The following CDK14 variants were observed in gnomAD, a reference collection of about 807,000 sequenced individuals.
CDK14 encodes the protein cyclin-dependent kinase 14.
A neutral mutation model predicts 60.7 loss-of-function variants in CDK14; 34 were observed. That is an observed-to-expected ratio of 0.56 (90% CI 0.43 to 0.75). The LOEUF is 0.75. Ranked by LOEUF, CDK14 falls within the 30% of genes least tolerant of loss-of-function variation. The pLI is 0.00. For missense variants in CDK14, 482 were observed against 564.1 expected, an observed-to-expected ratio of 0.85 and a Z score of 1.47; for synonymous variants, 197 against 203.7, an observed-to-expected ratio of 0.97 and a Z score of 0.28.
At chr7:91,121,504 T>C (rs1455499757) in intron 14 of CDK14, among the ~76,000 whole-genome samples, 1 of 152,198 alleles carries the variant, frequency 6.6e-6, no homozygotes, top group East Asian at 1.9e-4. Context: ...CCAAATTATT[T>C]CTTTCCTTGC....
At chr7:90,709,897 T>C in intron 2 of CDK14, 1 of 1,262,856 alleles carries the variant, frequency 7.9e-7, no homozygotes. Context: ...GCAAACACAT[T>C]GCTAGAGACA....
At chr7:90,658,930 G>A (rs1392653499) in intron 2 of CDK14, among the ~76,000 whole-genome samples, 1 of 152,114 alleles carries the variant, frequency 6.6e-6, no homozygotes, top group Non-Finnish European at 1.5e-5. Context: ...GGTAGTTTCT[G>A]TCTAGTAGTG....
intron 2 of CDK14, among the ~76,000 whole-genome samples, chr7:90,717,933 C>T (rs979810223): frequency 1.3e-5 from 2 of 151,648 alleles, no homozygotes; most frequent in African/African-American, 4.8e-5. Flanking sequence ...AGACGGAGCT[C>T]CCCCCACCCC....
chr7:90,625,043 G>T (rs570524266), intron 2 of CDK14, among the ~76,000 whole-genome samples: 1 of 152,254 alleles, frequency 6.6e-6, no homozygotes, highest in East Asian at 1.9e-4. Flanking sequence ...ACGGCGAATG[G>T]CTCATAGTAA....
intron 8 of CDK14, among the ~76,000 whole-genome samples, chr7:90,923,254 CG>C (rs1562829905): frequency 6.6e-6 from 1 of 151,752 alleles, no homozygotes; most frequent in East Asian, 1.9e-4. Context: ...GGACTACAGG[CG>C]CCCACCACCA....
At chr7:90,649,285 T>G (rs1175278762) in intron 2 of CDK14, among the ~76,000 whole-genome samples, 2 of 60,780 alleles carry the variant, frequency 3.3e-5, no homozygotes, top group African/African-American at 1.7e-4. Context: ...TCTTTCTTTC[T>G]TTCTTTCTTT....
chr7:91,026,158 A>G (rs921127089), intron 10 of CDK14, among the ~76,000 whole-genome samples: 1 of 152,150 alleles, frequency 6.6e-6, no homozygotes, highest in African/African-American at 2.4e-5. Flanking sequence ...GAATAGAGGC[A>G]TAGTGGGGAG....
rs527830067 is a variant in CDK14, at chr7:90,767,389, G to T, written c.464+19614G>T. Among the ~76,000 whole-genome samples, 3 of 152,240 alleles carry T rather than the reference G, an allele frequency of 2.0e-5. No individual in the cohort carries two copies. In the East Asian group the frequency reaches 5.8e-4, roughly 29 times the overall value. The stretch of plus-strand genomic sequence containing the variant: ...CTTATTTTCCCTCTGTATCCATGCT[G>T]TTTTTTCTCTCTAGTCATTTATTAT... On this transcript the variant is annotated intron_variant, in intron 4 of 14. Transcript: ENST00000380050.
chr7:90,780,010 G>C (rs987187499), intron 4 of CDK14, among the ~76,000 whole-genome samples: 2 of 152,068 alleles, frequency 1.3e-5, no homozygotes, highest in Admixed American at 6.6e-5. Context: ...TTCTCCTATA[G>C]AGCTTTAGAA....
chr7:90,890,636 G>A (rs1485732511), intron 6 of CDK14, among the ~76,000 whole-genome samples: 1 of 152,186 alleles, frequency 6.6e-6, no homozygotes, highest in Non-Finnish European at 1.5e-5. Context: ...AGGGAAAAGT[G>A]CAATTTCAAA....
At chr7:91,034,945 TACACACAC>T (rs35003949) in intron 10 of CDK14, among the ~76,000 whole-genome samples, 18 of 146,092 alleles carry the variant, frequency 1.2e-4, no homozygotes, top group African/African-American at 2.5e-4. Flanking sequence ...CACATACACA[TACACACAC>T]ACACACACAC....
chr7:91,114,076 G>A (rs961481997), intron 13 of CDK14, among the ~76,000 whole-genome samples: 10 of 152,118 alleles, frequency 6.6e-5, no homozygotes, highest in Non-Finnish European at 1.2e-4. Flanking sequence ...CAAAAATGCT[G>A]TAAATAGGCT....
rs796565126 is a variant in CDK14, at chr7:91,170,372, C to T, written c.*29-36793C>T. ...TTTAACTATTTTATTGTTTCAGTAT[C>T]ATGAATGACTCCACCAAGTGTGTCC... On this transcript the variant is annotated intron_variant, in intron 14 of 14. Coordinates refer to ENST00000380050, the MANE Select transcript of CDK14 (RefSeq NM_001287135.2). Among the ~76,000 whole-genome samples the T allele has an allele frequency of 2.4e-4, 37 of 152,264 alleles. 2 individuals are homozygous for T. Among genetic ancestry groups the T allele is most frequent in the African/African-American group, 8.2e-4 (34 of 41,544 alleles).
intron 4 of CDK14, among the ~76,000 whole-genome samples, chr7:90,756,614 T>C (rs1804070768): frequency 6.6e-6 from 1 of 152,210 alleles, no homozygotes; most frequent in Non-Finnish European, 1.5e-5. Flanking sequence ...CTTTGCTTGC[T>C]TTAAGGTGGC....
intron 11 of CDK14, among the ~76,000 whole-genome samples, chr7:91,051,265 C>T (rs1297252068): frequency 1.3e-5 from 2 of 152,156 alleles, no homozygotes; most frequent in Non-Finnish European, 2.9e-5. Flanking sequence ...GGCCTCACCT[C>T]CAACATTGGG....
At chr7:91,199,397 T>C (rs55953888) in intron 14 of CDK14, among the ~76,000 whole-genome samples, 2,347 of 152,298 alleles carry the variant, frequency 0.015, 59 homozygotes, top group African/African-American at 0.053. Flanking sequence ...CTTTTCCCTA[T>C]GTTTGTTTTC....
chr7:90,840,163 A>T (rs949713509), intron 5 of CDK14, among the ~76,000 whole-genome samples: 5 of 151,884 alleles, frequency 3.3e-5, no homozygotes, highest in Non-Finnish European at 5.9e-5. Flanking sequence ...GATGTTCTCT[A>T]CTCCTGTCTT....
intron 2 of CDK14, among the ~76,000 whole-genome samples, chr7:90,605,241 CT>C (rs1276641221): frequency 6.6e-6 from 1 of 152,192 alleles, no homozygotes; most frequent in African/African-American, 2.4e-5. Flanking sequence ...AGAGAACCTG[CT>C]CCAGGCTGGG....
chr7:91,143,257 G>A (rs76528038), intron 14 of CDK14, among the ~76,000 whole-genome samples: 3 of 152,172 alleles, frequency 2.0e-5, no homozygotes, highest in Admixed American at 6.5e-5. Flanking sequence ...AACAGAGTAG[G>A]TGAGTGGGTA....
Sources: gnomAD v4.1 joint callset for allele counts (sites outside exome capture counted in the v4.1 genomes callset) on GRCh38, gnomAD v4.1.1 for gene constraint, MANE v1.5 for transcripts, NCBI Gene and HGNC (gene_info 2026-07-23, HGNC 2026-07-21) for gene names.